The following NCK1 variants were observed in gnomAD, a reference collection of about 807,000 sequenced individuals.
NCK1 encodes SH2/SH3 adapter protein NCK1.
In NCK1, 19 loss-of-function variants were observed where a neutral mutation model predicts 36.6. That is an observed-to-expected ratio of 0.52 (90% CI 0.36 to 0.76). The LOEUF (loss-of-function observed/expected upper bound fraction) is 0.76, where lower values mean the gene tolerates loss of function less well. Among genes scored for constraint, NCK1 ranks in the 30% least tolerant of loss-of-function variants. NCK1 has a pLI of 0.00. For synonymous variants in NCK1, 165 were observed against 156.0 expected (o/e 1.06, Z -0.43); for missense variants, 358 against 445.6 (o/e 0.80, Z 1.77).
At chr3:136,947,198 A>G (rs938400465) in intron 3 of NCK1, among the ~76,000 whole-genome samples, 7 of 152,142 alleles carry the variant, frequency 4.6e-5, no homozygotes, top group African/African-American at 1.7e-4. Context: ...TCCCTCAGAA[A>G]AGCAGTTGGT....
intron 3 of NCK1, among the ~76,000 whole-genome samples, chr3:136,946,737 G>C (rs1233337716): frequency 6.6e-6 from 1 of 152,106 alleles, no homozygotes; most frequent in Non-Finnish European, 1.5e-5. Flanking sequence ...TTAAAAAATT[G>C]ATATTAAGTT....
chr3:136,871,102 A>T (rs536160125), intron 1 of NCK1, among the ~76,000 whole-genome samples: 52 of 151,170 alleles, frequency 3.4e-4, no homozygotes, highest in Non-Finnish European at 4.7e-4. Flanking sequence ...ATTTTTTTTT[A>T]AAAAATTGTT....
At chr3:136,929,708 A>G (rs1940343703) in intron 2 of NCK1, among the ~76,000 whole-genome samples, 2 of 152,314 alleles carry the variant, frequency 1.3e-5, no homozygotes, top group South Asian at 4.1e-4. Context: ...AGACATACCC[A>G]GTTAGACTTT....
chr3:136,864,525 T>TG (rs1356217528), intron 1 of NCK1, among the ~76,000 whole-genome samples: 4 of 149,558 alleles, frequency 2.7e-5, no homozygotes, highest in Admixed American at 1.3e-4. Flanking sequence ...AAAAAACCTA[T>TG]GTGTAATGTT....
intron 1 of NCK1, among the ~76,000 whole-genome samples, chr3:136,897,732 T>C (rs1374435905): frequency 2.0e-5 from 3 of 152,208 alleles, no homozygotes; most frequent in African/African-American, 7.2e-5. Context: ...AAATTAATTA[T>C]TTTCACGTTA....
At chr3:136,927,391 G>GTTACATAAACTT (rs1940270267) in intron 1 of NCK1, among the ~76,000 whole-genome samples, 2 of 152,192 alleles carry the variant, frequency 1.3e-5, no homozygotes, top group Non-Finnish European at 2.9e-5. Context: ...CTTGTTACTA[G>GTTACATAAACTT]GTACATAGAA....
At chr3:136,898,680 T>C (rs1202073915) in intron 1 of NCK1, among the ~76,000 whole-genome samples, 1 of 152,178 alleles carries the variant, frequency 6.6e-6, no homozygotes, top group Non-Finnish European at 1.5e-5. Context: ...AAATGTCTTA[T>C]GAAAGAAATG....
At chr3:136,868,800 A>G (rs953278317) in intron 1 of NCK1, among the ~76,000 whole-genome samples, 19 of 152,208 alleles carry the variant, frequency 1.2e-4, no homozygotes, top group African/African-American at 4.6e-4. Context: ...AGGGCTTATC[A>G]TATAACTAAA....
intron 1 of NCK1, among the ~76,000 whole-genome samples, chr3:136,902,426 C>A (rs1939569015): frequency 6.6e-6 from 1 of 152,162 alleles, no homozygotes; most frequent in Admixed American, 6.5e-5. Flanking sequence ...AGCTCCTGAG[C>A]TCAGGCAATC....
intron 1 of NCK1, among the ~76,000 whole-genome samples, chr3:136,890,214 G>A (rs996331235): frequency 2.6e-5 from 4 of 152,204 alleles, no homozygotes; most frequent in African/African-American, 9.6e-5. Context: ...GGGGGACCCA[G>A]TACACCCTCT....
At chr3:136,941,038 T>G (rs890318208) in intron 2 of NCK1, among the ~76,000 whole-genome samples, 1 of 152,104 alleles carries the variant, frequency 6.6e-6, no homozygotes, top group African/African-American at 2.4e-5. Context: ...AAGGAAGGAT[T>G]TCTGCTATTT....
intron 1 of NCK1, among the ~76,000 whole-genome samples, chr3:136,897,852 T>G (rs1939430410): frequency 6.6e-6 from 1 of 152,194 alleles, no homozygotes; most frequent in Non-Finnish European, 1.5e-5. Flanking sequence ...CTAGTTGAAA[T>G]TCTCACCATA....
chr3:136,922,458 A>G (rs1940137390), intron 1 of NCK1, among the ~76,000 whole-genome samples: 1 of 152,156 alleles, frequency 6.6e-6, no homozygotes, highest in African/African-American at 2.4e-5. Flanking sequence ...CAAACGGTAA[A>G]TTCTGGCCAT....
intron 1 of NCK1, among the ~76,000 whole-genome samples, chr3:136,885,205 C>T (rs957452943): frequency 6.6e-5 from 10 of 151,942 alleles, no homozygotes; most frequent in Admixed American, 1.3e-4. Flanking sequence ...ATATTGTGGC[C>T]GTGGACAAGT....
In NCK1 at chr3:136,900,429, G is replaced by T. The variant is rs1006949958; in HGVS notation, c.-18-27555G>T. ...TTTGGGCTCCTTTTTGGTTTCATAT[G>T]AATTTTAAGATTGCTTCTTCTATTT... On this transcript the variant is annotated intron_variant, in intron 1 of 3. Transcript: ENST00000481752. Among the ~76,000 whole-genome samples, 44 of 152,156 alleles carry T rather than the reference G, an allele frequency of 2.9e-4. 1 individual carries two copies. The highest frequency in any genetic ancestry group is 1.0e-3 in the African/African-American group (43 of 41,520).
At chr3:136,891,877 T>C (rs1939255068) in intron 1 of NCK1, among the ~76,000 whole-genome samples, 1 of 152,220 alleles carries the variant, frequency 6.6e-6, no homozygotes, top group South Asian at 2.1e-4. Context: ...TACTCCATTT[T>C]TGTGTTGGAT....
intron 1 of NCK1, among the ~76,000 whole-genome samples, chr3:136,892,410 C>T (rs1939270808): frequency 6.6e-6 from 1 of 152,016 alleles, no homozygotes. Context: ...TACTGATGTC[C>T]TGGATTATCT....
At chr3:136,937,905 T>C (rs1940576123) in intron 2 of NCK1, among the ~76,000 whole-genome samples, 1 of 151,704 alleles carries the variant, frequency 6.6e-6, no homozygotes, top group Non-Finnish European at 1.5e-5. Flanking sequence ...CCCTCCCTAA[T>C]TGCTTTGACT....
At chr3:136,900,714 AACACTCCCT>A (rs1939519614) in intron 1 of NCK1, among the ~76,000 whole-genome samples, 1 of 151,764 alleles carries the variant, frequency 6.6e-6, no homozygotes, top group Non-Finnish European at 1.5e-5. Context: ...ATTTTTTTTT[AACACTCCCT>A]ACTTCACAGA....
Sources: gnomAD v4.1 joint callset for allele counts (sites outside exome capture counted in the v4.1 genomes callset) on GRCh38, gnomAD v4.1.1 for gene constraint, MANE v1.5 for transcripts, NCBI Gene and HGNC (gene_info 2026-07-23, HGNC 2026-07-21) for gene names.